SIPA1L1: variants seen among roughly 807,000 people sequenced by gnomAD.
The protein encoded by SIPA1L1 is signal-induced proliferation-associated 1-like protein 1.
SIPA1L1 carries 26 observed loss-of-function variants against 162.7 expected under a neutral mutation model. That is an observed-to-expected ratio of 0.16 (90% CI 0.12 to 0.22). SIPA1L1 has a LOEUF of 0.22. Among genes scored for constraint, SIPA1L1 ranks in the 10% least tolerant of loss-of-function variants. The probability of loss-of-function intolerance (pLI) is 1.00; values close to 1 mark genes in which losing one functional copy is unlikely to be tolerated. For missense variants in SIPA1L1, 1,874 were observed against 2,241.0 expected (o/e 0.84, Z 3.31); for synonymous variants, 829 against 837.4 (o/e 0.99, Z 0.17).
chr14:71,658,358 G>C lies in SIPA1L1; in HGVS notation c.2019G>C (p.Leu673=). Residue 673 remains leucine (L), a synonymous_variant, in exon 9 of 24, where the codon CTG becomes CTC. Transcript: ENST00000381232. ...CTGACTCCACTGGAACCCATTCTCTGTACACAACATACAAAGATTATGAAA... is the reference window on the plus strand; with the variant it reads ...CTGACTCCACTGGAACCCATTCTCTCTACACAACATACAAAGATTATGAAA... ...TKTDSTGTHS[L]YTTYKDYEIM... is the part of the protein sequence containing the mutation. The C allele has an allele frequency of 1.9e-6, 3 of 1,609,224 alleles. No individual in the cohort carries two copies. The highest frequency in any genetic ancestry group is 1.7e-6 in the Non-Finnish European group (2 of 1,175,988).
At chr14:71,581,613 T>C (rs549516485) in intron 4 of SIPA1L1, among the ~76,000 whole-genome samples, 1 of 152,338 alleles carries the variant, frequency 6.6e-6, no homozygotes, top group South Asian at 2.1e-4. Flanking sequence ...ATTTACAGTA[T>C]TGGGTGAATA....
intron 14 of SIPA1L1, 182 bp from the exon 15 acceptor site, chr14:71,702,199 A>T: frequency 1.7e-6 from 1 of 604,850 alleles, no homozygotes; most frequent in Non-Finnish European, 3.0e-6. Flanking sequence ...GTGTATATTG[A>T]CCACAACATA....
intron 2 of SIPA1L1, among the ~76,000 whole-genome samples, chr14:71,468,677 A>G (rs898094027): frequency 1.3e-5 from 2 of 152,230 alleles, no homozygotes; most frequent in Non-Finnish European, 2.9e-5. Context: ...ACAGGGGCAC[A>G]TATCCAAACC....
rs143536987 is a variant in SIPA1L1 at position 71,346,000 on chromosome 14, C to T, written c.-465+24819C>T. Among the ~76,000 whole-genome samples the T allele has an allele frequency of 4.2e-3, 635 of 152,062 alleles. 6 individuals are homozygous for T. Among genetic ancestry groups the T allele is most frequent in the African/African-American group, 0.015 (602 of 41,458 alleles). ...TTCGCTCACTGCAGCCTCCGCTTCCCGGATTCAAGCAATTCTCCTGTCTCA... is the reference window on the plus strand; with the variant it reads ...TTCGCTCACTGCAGCCTCCGCTTCCTGGATTCAAGCAATTCTCCTGTCTCA... On this transcript the variant is annotated intron_variant, in intron 2 of 23. Coordinates refer to ENST00000381232, the MANE Select transcript of SIPA1L1 (RefSeq NM_001386936.1).
At position 71,588,374 on chromosome 14, in the gene SIPA1L1, C is replaced by T. The variant is rs542018760; in HGVS notation, c.502C>T (p.Arg168Cys). Residue 168 changes from arginine (R) to cysteine (C), a missense_variant, in exon 5 of 24, where the codon CGC becomes TGC. This residue lies in a region of SIPA1L1 where 685 missense variants were observed against 828.0 expected (regional missense o/e 0.83). Transcript: ENST00000381232. This position sits in a 1 kb window ranked among gnomAD's most constrained non-coding sequence, Gnocchi z 4.3. ...AYPSSPRKALRRIRQRSNSDI... is the reference protein window; with the variant it reads ...AYPSSPRKALCRIRQRSNSDI... ...CCCCAGCTCCCCCAGAAAAGCTCTT[C>T]GCAGAATACGCCAGCGAAGCAACAG... 20 of 1,613,948 alleles carry T rather than the reference C, an allele frequency of 1.2e-5. No individual in the cohort carries two copies. The highest frequency in any genetic ancestry group is 2.2e-5 in the East Asian group (1 of 44,862).
intron 2 of SIPA1L1, among the ~76,000 whole-genome samples, chr14:71,329,546 T>C (rs2034268435): frequency 6.6e-6 from 1 of 151,942 alleles, no homozygotes; most frequent in African/African-American, 2.4e-5. Context: ...GCTCAAGCAA[T>C]CCTCCTGCCT....
intron 9 of SIPA1L1, among the ~76,000 whole-genome samples, chr14:71,660,597 C>T (rs1332469428): frequency 4.6e-5 from 7 of 152,076 alleles, no homozygotes; most frequent in East Asian, 1.9e-4. Context: ...TAAGAGCCTC[C>T]GTACAGTAAG....
intron 2 of SIPA1L1, among the ~76,000 whole-genome samples, chr14:71,435,934 G>A (rs1284040296): frequency 6.6e-6 from 1 of 152,138 alleles, no homozygotes; most frequent in East Asian, 1.9e-4. Flanking sequence ...CAGTGATGAT[G>A]AGCATTTTTT....
At chr14:71,322,508 G>A in intron 2 of SIPA1L1, among the ~76,000 whole-genome samples, 1 of 152,108 alleles carries the variant, frequency 6.6e-6, no homozygotes, top group South Asian at 2.1e-4. Context: ...ATAACAGTAG[G>A]TCTCAGCTAA....
intron 2 of SIPA1L1, among the ~76,000 whole-genome samples, chr14:71,507,744 T>C (rs1038108940): frequency 2.0e-5 from 3 of 152,200 alleles, no homozygotes; most frequent in African/African-American, 7.2e-5. Flanking sequence ...TAATATATTC[T>C]TTTTTTGTGA....
At chr14:71,661,131 T>C (rs865874487) in intron 9 of SIPA1L1, among the ~76,000 whole-genome samples, 179 bp from the exon 10 acceptor site, 1 of 152,254 alleles carries the variant, frequency 6.6e-6, no homozygotes, top group African/African-American at 2.4e-5. Context: ...TGTTCGTTTC[T>C]ATGTTCTTCC....
intron 8 of SIPA1L1, among the ~76,000 whole-genome samples, chr14:71,656,434 T>C (rs1281686726): frequency 6.6e-6 from 1 of 152,178 alleles, no homozygotes; most frequent in Non-Finnish European, 1.5e-5. Context: ...AGTTTTAAAA[T>C]GTGCTGATCT....
chr14:71,401,301 T>G, intron 2 of SIPA1L1, among the ~76,000 whole-genome samples: 1 of 152,184 alleles, frequency 6.6e-6, no homozygotes, highest in Non-Finnish European at 1.5e-5. Context: ...GTTTTAGTAC[T>G]TTTCCTTGAA....
chr14:71,434,275 A>T (rs2044215289), intron 2 of SIPA1L1, among the ~76,000 whole-genome samples: 2 of 152,206 alleles, frequency 1.3e-5, no homozygotes, highest in Admixed American at 1.3e-4. Flanking sequence ...TAGGTGCAGT[A>T]ATGGATATAT....
At chr14:71,729,425 A>T (rs936206669) in intron 19 of SIPA1L1, among the ~76,000 whole-genome samples, 1 of 152,236 alleles carries the variant, frequency 6.6e-6, no homozygotes, top group South Asian at 2.1e-4. Context: ...CGATAGGTTC[A>T]GTTGGTGTAA....
intron 2 of SIPA1L1, among the ~76,000 whole-genome samples, chr14:71,383,470 C>T (rs932806569): frequency 1.3e-5 from 2 of 152,154 alleles, no homozygotes; most frequent in East Asian, 1.9e-4. Flanking sequence ...ATATACCATG[C>T]GTTACTGCCT....
At chr14:71,689,884 A>C (rs1007891121) in intron 13 of SIPA1L1, among the ~76,000 whole-genome samples, 1 of 152,208 alleles carries the variant, frequency 6.6e-6, no homozygotes, top group Non-Finnish European at 1.5e-5. Context: ...TAGGGTGTGA[A>C]TATGGTGGAA....
intron 4 of SIPA1L1, among the ~76,000 whole-genome samples, chr14:71,532,851 A>G (rs181506680): frequency 6.6e-6 from 1 of 152,050 alleles, no homozygotes; most frequent in Admixed American, 6.5e-5. Context: ...TTCCCATACT[A>G]TTTTCCTTTG....
chr14:71,533,713 C>G (rs142561238), intron 4 of SIPA1L1, among the ~76,000 whole-genome samples: 209 of 152,270 alleles, frequency 1.4e-3, no homozygotes, highest in Non-Finnish European at 2.5e-3. Context: ...TTGCCACTTT[C>G]ATTTTGGAGT....
Sources: allele counts gnomAD v4.1 joint callset (sites outside exome capture counted in the v4.1 genomes callset), GRCh38; gene constraint gnomAD v4.1.1; regional missense constraint gnomAD v4.1.1; non-coding constraint Gnocchi (gnomAD v3.1); transcripts MANE v1.5; gene names NCBI Gene and HGNC (gene_info 2026-07-23, HGNC 2026-07-21).